DMD: variants seen among roughly 807,000 people sequenced by gnomAD.
DMD encodes mutant dystrophin.
Under a neutral mutation model 330.1 loss-of-function variants are expected in DMD, and 63 were observed. That is an observed-to-expected ratio of 0.19 (90% CI 0.16 to 0.24). The LOEUF is 0.24. Ranked by LOEUF, DMD falls within the 10% of genes least tolerant of loss-of-function variation. The pLI is 1.00. For missense variants in DMD, 3,344 were observed against 2,684.1 expected, an observed-to-expected ratio of 1.25 and a Z score of -5.43; for synonymous variants, 1,223 against 959.8, an observed-to-expected ratio of 1.27 and a Z score of -5.07.
intron 42 of DMD, among the ~76,000 whole-genome samples, chrX:32,289,958 T>C (rs1025374626): frequency 8.9e-6 from 1 of 111,873 alleles, no homozygotes; most frequent in Non-Finnish European, 1.9e-5. Context: ...AACTTGCTTT[T>C]ACTTTTTTTA....
chrX:31,467,799 C>T (rs2066967354), intron 59 of DMD, among the ~76,000 whole-genome samples: 1 of 111,393 alleles, frequency 9.0e-6, no homozygotes, highest in Non-Finnish European at 1.9e-5. Flanking sequence ...TGTTCCTGGG[C>T]TTTTTTTGGT....
intron 45 of DMD, among the ~76,000 whole-genome samples, chrX:31,953,310 G>A (rs2095208097): frequency 1.8e-5 from 2 of 111,875 alleles, no homozygotes; most frequent in South Asian, 7.4e-4. Context: ...CACCGTTACT[G>A]ACAATGCTTC....
chrX:32,527,722 A>G (rs750552453), intron 17 of DMD, among the ~76,000 whole-genome samples: 13 of 111,575 alleles, frequency 1.2e-4, no homozygotes, highest in Non-Finnish European at 1.9e-4. Flanking sequence ...CATTGACTAC[A>G]TGGCAATTAT....
intron 44 of DMD, among the ~76,000 whole-genome samples, chrX:31,991,301 A>G (rs1200629524): frequency 9.0e-6 from 1 of 111,635 alleles, no homozygotes; most frequent in Admixed American, 9.6e-5. Context: ...TAATGTGATT[A>G]CAAATGGAAA....
chrX:31,377,897 G>A (rs1391461050), intron 60 of DMD, among the ~76,000 whole-genome samples: 2 of 111,145 alleles, frequency 1.8e-5, no homozygotes, highest in Non-Finnish European at 3.8e-5. Context: ...TGCCTTAACT[G>A]ATGACATTAC....
rs779036752 is a variant in DMD at position 32,820,206 on chromosome X, G to A, written c.357+3089C>T. Among the ~76,000 whole-genome samples the A allele has an allele frequency of 2.3e-3, 257 of 112,304 alleles. 1 individual carries two copies. The highest frequency in any genetic ancestry group is 7.7e-3 in the African/African-American group (239 of 30,934). ...TGTAATCCAAACACTTTGGGAGGCC[G>A]AGACGGGCGGATCACAAGGTCAGGA... On this transcript the variant is annotated intron_variant, in intron 5 of 78. Coordinates refer to ENST00000357033, the MANE Select transcript of DMD (RefSeq NM_004006.3).
intron 60 of DMD, among the ~76,000 whole-genome samples, chrX:31,351,206 A>G (rs1180719109): frequency 9.0e-6 from 1 of 111,202 alleles, no homozygotes; most frequent in Non-Finnish European, 1.9e-5. Context: ...ACATATGTAT[A>G]TTGTTGCTTC....
At chrX:31,507,169 A>G (rs1279509228) in intron 56 of DMD, 112 bp downstream of exon 56, 17 of 732,996 alleles carry the variant, frequency 2.3e-5, no homozygotes, top group Non-Finnish European at 2.6e-5. Flanking sequence ...TCATTCTGAA[A>G]TTGGATGATT....
At chrX:32,859,371 G>A (rs1261252120) in intron 2 of DMD, among the ~76,000 whole-genome samples, 2 of 108,516 alleles carry the variant, frequency 1.8e-5, no homozygotes, top group African/African-American at 6.7e-5. Context: ...GAGAGGCTGA[G>A]GCAGGAGAAT....
chrX:33,203,490 G>A (rs1218841762), intron 1 of DMD, among the ~76,000 whole-genome samples: 2 of 111,393 alleles, frequency 1.8e-5, no homozygotes, highest in African/African-American at 6.5e-5. Context: ...ATAGCAATAT[G>A]GGAGGAAATT....
rs183608741 is a variant in DMD, at chrX:32,470,800, A to C, written c.2949+1364T>G. Among the ~76,000 whole-genome samples the C allele has an allele frequency of 3.6e-5, 4 of 112,159 alleles. No homozygotes were observed. The Admixed American group carries it at 3.8e-4, about 11-fold the overall frequency. ...GTTGTTTAAATGTATTTTTCTTTGA[A>C]TACATTACTTCAAAAAAATATTTAA... On this transcript the variant is annotated intron_variant, in intron 22 of 78. Coordinates refer to ENST00000357033, the MANE Select transcript of DMD (RefSeq NM_004006.3).
At chrX:31,871,921 T>C (rs1166105994) in intron 48 of DMD, among the ~76,000 whole-genome samples, 2 of 47,382 alleles carry the variant, frequency 4.2e-5, no homozygotes, top group Non-Finnish European at 7.5e-5. Flanking sequence ...CTGTGCAATC[T>C]TAATAAATCA....
chrX:32,991,492 G>A lies in DMD; in HGVS notation c.93+28647C>T, dbSNP rs1287032425. Among the ~76,000 whole-genome samples the A allele has an allele frequency of 9.8e-5, 11 of 111,867 alleles. No individual in the cohort carries two copies. The Admixed American group carries it at 1.1e-3, about 11-fold the overall frequency. On this transcript the variant is annotated intron_variant, in intron 2 of 78. Coordinates refer to ENST00000357033, the MANE Select transcript of DMD (RefSeq NM_004006.3). ...GCCACTAAAACCATGTGACTACTGA[G>A]CACTTCAAATGTAGCTAGCAAAATG...
chrX:33,050,318 A>C (rs1033436406), intron 1 of DMD, among the ~76,000 whole-genome samples: 6 of 111,965 alleles, frequency 5.4e-5, no homozygotes, highest in African/African-American at 1.9e-4. Context: ...TAAATGACTA[A>C]TTCAAGGAAT....
At chrX:32,502,170 AC>A (rs1171690143) in intron 18 of DMD, among the ~76,000 whole-genome samples, 6 of 111,894 alleles carry the variant, frequency 5.4e-5, no homozygotes, top group African/African-American at 1.9e-4. Flanking sequence ...GTGTCACATA[AC>A]TAAAATGAAA....
intron 7 of DMD, among the ~76,000 whole-genome samples, chrX:32,744,852 A>G (rs1024221363): frequency 8.9e-6 from 1 of 112,242 alleles, no homozygotes; most frequent in Non-Finnish European, 1.9e-5. Context: ...ATGATTTTAG[A>G]AGAGATTACC....
chrX:32,815,516 T>TACACACACACACAC (rs1231062329), intron 6 of DMD, among the ~76,000 whole-genome samples: 32 of 47,303 alleles, frequency 6.8e-4, no homozygotes, highest in African/African-American at 2.3e-3. Context: ...TATATATATA[T>TACACACACACACAC]ATATACACAC....
chrX:31,301,770 T>TTTG (rs373373602), intron 62 of DMD, among the ~76,000 whole-genome samples: 4 of 111,817 alleles, frequency 3.6e-5, no homozygotes, highest in African/African-American at 9.8e-5. Flanking sequence ...TTTTTGTTTG[T>TTTG]TTGTTGTTGT....
At chrX:31,831,816 A>C (rs995331002) in intron 49 of DMD, among the ~76,000 whole-genome samples, 5 of 111,796 alleles carry the variant, frequency 4.5e-5, no homozygotes, top group East Asian at 5.6e-4. Context: ...GTTAGCCAGG[A>C]TGGTCTCGAT....
Sources: gnomAD v4.1 joint callset for allele counts (sites outside exome capture counted in the v4.1 genomes callset) on GRCh38, gnomAD v4.1.1 for gene constraint, MANE v1.5 for transcripts, NCBI Gene and HGNC (gene_info 2026-07-23, HGNC 2026-07-21) for gene names.